Variants in ZBBX observed in about 807,000 individuals in gnomAD.
ZBBX encodes zinc finger B-box domain-containing protein 1.
Under a neutral mutation model 108.5 loss-of-function variants are expected in ZBBX, and 101 were observed. The ratio of observed to expected loss-of-function variants is 0.93; its 90% CI spans 0.79 to 1.10. The LOEUF (loss-of-function observed/expected upper bound fraction) is 1.10. Ranked by LOEUF, ZBBX falls within the 50% of genes least tolerant of loss-of-function variation. The pLI is 0.00. For synonymous variants in ZBBX, 356 were observed against 323.4 expected (o/e 1.10, Z -1.08); for missense variants, 1,009 against 941.4 (o/e 1.07, Z -0.94).
intron 20 of ZBBX, among the ~76,000 whole-genome samples, chr3:167,253,557 C>T (rs951003539): frequency 1.3e-5 from 2 of 151,964 alleles, no homozygotes; most frequent in African/African-American, 4.8e-5. Flanking sequence ...GCTGAGCTCC[C>T]CAGTCCTATC....
intron 1 of ZBBX, among the ~76,000 whole-genome samples, chr3:167,396,365 C>T (rs1358711622): frequency 6.6e-6 from 1 of 151,938 alleles, no homozygotes. Context: ...CTGTGCAACT[C>T]CTAGGGGCGA....
chr3:167,403,545 C>A (rs1453792675), intron 1 of ZBBX, among the ~76,000 whole-genome samples: 1 of 151,778 alleles, frequency 6.6e-6, no homozygotes, highest in East Asian at 1.9e-4. Context: ...CATTTTTTCT[C>A]CTAATTTGTT....
intron 16 of ZBBX, among the ~76,000 whole-genome samples, chr3:167,308,868 T>A (rs1331381559): frequency 6.6e-6 from 1 of 151,920 alleles, no homozygotes. Flanking sequence ...AATAAATGGA[T>A]GATGAAATAA....
rs1270906008 is a variant in ZBBX, at chr3:167,254,787, T to C, written c.2255-12144A>G. On this transcript the variant is annotated intron_variant, in intron 20 of 21. Transcript: ENST00000675490. ...AAAAAAAATGCTGAATTATTGACAC[T>C]AAAACAAAATCCTGGACCAGTTACT... Among the ~76,000 whole-genome samples the C allele has an allele frequency of 2.0e-5, 3 of 151,762 alleles. 1 individual carries two copies. Among genetic ancestry groups the C allele is most frequent in the African/African-American group, 4.8e-5 (2 of 41,326 alleles).
intron 18 of ZBBX, among the ~76,000 whole-genome samples, chr3:167,291,789 G>C (rs528926882): frequency 6.6e-6 from 1 of 152,298 alleles, no homozygotes; most frequent in South Asian, 2.1e-4. Flanking sequence ...AGACCCATCA[G>C]TGTGCTGTAT....
At chr3:167,203,575 CTTAATT>C in the ZBBX span, among the ~76,000 whole-genome samples, 1 of 151,896 alleles carries the variant, frequency 6.6e-6, no homozygotes, top group Non-Finnish European at 1.5e-5. Flanking sequence ...TTATATTCTT[CTTAATT>C]TTAAGACAAT....
rs1203807879 is a variant in ZBBX, at chr3:167,240,088, C to A, written c.*705G>T. Among the ~76,000 whole-genome samples the A allele has an allele frequency of 2.0e-5, 3 of 152,068 alleles. No individual in the cohort carries two copies. The highest frequency in any genetic ancestry group is 7.2e-5 in the African/African-American group (3 of 41,400). On this transcript the variant is annotated 3_prime_UTR_variant, in exon 22 of 22. Transcript: ENST00000675490. ...TCAATTACTTCCCACCAGGTCCCTC[C>A]CAGGACACCTGGAGATTATAGAAAC...
At chr3:167,386,961 T>C (rs948023446) in intron 1 of ZBBX, among the ~76,000 whole-genome samples, 3 of 152,056 alleles carry the variant, frequency 2.0e-5, no homozygotes, top group East Asian at 1.9e-4. Flanking sequence ...GGGCAGATTT[T>C]TCATTAGATT....
Position 167,350,498 on chromosome 3 carries a change from TC to T in ZBBX, c.449del (p.Gly150GlufsTer18). On this transcript the variant is annotated frameshift_variant, in exon 9 of 22. Transcript: ENST00000675490. LOFTEE classifies it high-confidence loss of function. ...CAAAGCATCCTGAACAATAATCTTCTCCACATTCAAGGCATACCTAAAAAGA... is the reference window on the plus strand; with the variant it reads ...CAAAGCATCCTGAACAATAATCTTCTCACATTCAAGGCATACCTAAAAAGA... ...KAALLVCLEC[G>X]EDYCSGCFAK... 1 of 1,588,636 alleles carries T rather than the reference TC, an allele frequency of 6.3e-7. No homozygotes were observed. The highest frequency in any genetic ancestry group is 2.3e-5 in the East Asian group (1 of 44,320).
chr3:167,381,029 G>A (rs1046874366), upstream of ZBBX, among the ~76,000 whole-genome samples: 2 of 151,722 alleles, frequency 1.3e-5, no homozygotes, highest in African/African-American at 4.8e-5. Flanking sequence ...TAGGATGTGT[G>A]GTTGGTACTG....
chr3:167,253,410 T>C (rs577845583), intron 20 of ZBBX, among the ~76,000 whole-genome samples: 1 of 152,066 alleles, frequency 6.6e-6, no homozygotes, highest in African/African-American at 2.4e-5. Flanking sequence ...ATCTGAAAAA[T>C]CTTAACAGAG....
At chr3:167,319,079 T>C (rs1735950309) in intron 12 of ZBBX, among the ~76,000 whole-genome samples, 1 of 151,962 alleles carries the variant, frequency 6.6e-6, no homozygotes, top group Non-Finnish European at 1.5e-5. Context: ...ACTTACCATA[T>C]AGCCCACCTA....
chr3:167,350,019 A>T (rs943265300), intron 9 of ZBBX, among the ~76,000 whole-genome samples: 19 of 152,024 alleles, frequency 1.2e-4, no homozygotes, highest in African/African-American at 4.6e-4. Flanking sequence ...ATGGGCAAAG[A>T]TAAATAAGAA....
At chr3:167,331,177 G>T (rs1034181108) in intron 10 of ZBBX, among the ~76,000 whole-genome samples, 1 of 57,972 alleles carries the variant, frequency 1.7e-5, no homozygotes, top group Non-Finnish European at 3.2e-5. Context: ...ATGGCAGCCT[G>T]AGAAGGCTAA....
At chr3:167,325,464 C>T (rs1264645530) in intron 11 of ZBBX, among the ~76,000 whole-genome samples, 1 of 152,086 alleles carries the variant, frequency 6.6e-6, no homozygotes, top group Non-Finnish European at 1.5e-5. Context: ...TCCCATGATT[C>T]AATTACCTCT....
At chr3:167,246,904 T>A (rs1438439669) in intron 20 of ZBBX, among the ~76,000 whole-genome samples, 2 of 152,176 alleles carry the variant, frequency 1.3e-5, no homozygotes, top group African/African-American at 4.8e-5. Flanking sequence ...GCAATACAGA[T>A]GATAATTAGT....
At chr3:167,289,673 C>T (rs914828787) in intron 18 of ZBBX, among the ~76,000 whole-genome samples, 6 of 152,160 alleles carry the variant, frequency 3.9e-5, no homozygotes, top group Middle Eastern at 3.2e-3. Context: ...ACTGGGTGGC[C>T]ACTTGAGCAG....
At chr3:167,252,655 A>C (rs112368925) in intron 20 of ZBBX, among the ~76,000 whole-genome samples, 222 of 152,032 alleles carry the variant, frequency 1.5e-3, no homozygotes, top group African/African-American at 5.2e-3. Flanking sequence ...GTTGGACATC[A>C]GCAAAGCCCT....
chr3:167,288,386 G>A (rs913600250), intron 19 of ZBBX, among the ~76,000 whole-genome samples: 5 of 151,932 alleles, frequency 3.3e-5, no homozygotes, highest in Admixed American at 6.6e-5. Context: ...AAGATTCCAG[G>A]GTCAATGCAT....
Sources: gnomAD v4.1 joint callset for allele counts (sites outside exome capture counted in the v4.1 genomes callset) on GRCh38, gnomAD v4.1.1 for gene constraint, MANE v1.5 for transcripts, NCBI Gene and HGNC (gene_info 2026-07-23, HGNC 2026-07-21) for gene names.